The following ZBTB12 variants were observed in gnomAD, a reference collection of about 807,000 sequenced individuals.
ZBTB12 encodes the protein zinc finger and BTB domain containing 12.
In ZBTB12, 1 loss-of-function variant was observed where a neutral mutation model predicts 6.4. The observed-to-expected ratio is 0.16, with a 90% CI of 0.06 to 0.74. ZBTB12 has a LOEUF of 0.74. Among genes scored for constraint, ZBTB12 ranks in the 30% least tolerant of loss-of-function variants. The pLI is 0.78. For synonymous variants in ZBTB12, 273 were observed against 262.5 expected, an observed-to-expected ratio of 1.04 and a Z score of -0.39; for missense variants, 344 against 613.9, an observed-to-expected ratio of 0.56 and a Z score of 4.65.
Position 31,902,074 on chromosome 6 carries a change from G to A in ZBTB12, c.-258C>T, listed in dbSNP as rs374589428. 200 of 152,070 alleles carry A rather than the reference G, an allele frequency of 1.3e-3. 3 individuals are homozygous for A. The South Asian group carries it at 0.037, about 28-fold the overall frequency. 9.4% of individuals were successfully genotyped at this position (152,070 alleles called of 1,614,324 possible). A position where few individuals can be genotyped will look rare whatever the true frequency, so the allele number is the denominator to read the frequency against. On this transcript the variant is annotated 5_prime_UTR_variant, in exon 1 of 2. Transcript: ENST00000375527. ...GCGGCGGCGGCGTCGGCTAGGACTC[G>A]GGGAGGAGGAAGAGGGGAGGGAATT...
intron 1 of ZBTB12, among the ~76,000 whole-genome samples, chr6:31,901,614 G>A (rs1278188300): frequency 1.3e-5 from 2 of 151,826 alleles, no homozygotes; most frequent in Non-Finnish European, 2.9e-5. Flanking sequence ...GGGGGCCAGA[G>A]GCCTGGGGCT....
chr6:31,900,934 G>A lies in ZBTB12; in HGVS notation c.372C>T (p.Ser124=). 1 of 1,614,206 alleles carries A rather than the reference G, an allele frequency of 6.2e-7. No individual in the cohort carries two copies. Among genetic ancestry groups the A allele is most frequent in the Non-Finnish European group, 8.5e-7 (1 of 1,180,026 alleles). ...HVVEKCRNAL[S]QFIEPKIGLK... ...GGCCTATTTTGGGCTCAATGAACTG[G>A]CTGAGGGCATTCCGGCATTTCTCCA... is the stretch of plus-strand genomic sequence containing the variant. The change falls in exon 2 of 2, where the codon AGC becomes AGT. Residue 124 remains serine (S), a synonymous_variant. Transcript: ENST00000375527. This position sits in a 1 kb window ranked among gnomAD's most constrained non-coding sequence, Gnocchi z 9.7.
Position 31,899,808 on chromosome 6 carries a change from A to T in ZBTB12, c.*118T>A, listed in dbSNP as rs1235336130. 2 of 1,067,400 alleles carry T rather than the reference A, an allele frequency of 1.9e-6. No individual in the cohort carries two copies. Among genetic ancestry groups the T allele is most frequent in the Non-Finnish European group, 2.7e-6 (2 of 747,452 alleles). 66.1% of individuals were successfully genotyped at this position (1,067,400 alleles called of 1,614,324 possible). The stretch of plus-strand genomic sequence containing the variant: ...TCTCTCAGGATGTGTGCATCTGCTC[A>T]GCCTCCCACTCTTACCTTTCTGCCC... On this transcript the variant is annotated 3_prime_UTR_variant, in exon 2 of 2. Transcript: ENST00000375527.
At position 31,901,198 on chromosome 6, in the gene ZBTB12, G is replaced by T. The variant is rs1162716329; in HGVS notation, c.108C>A (p.Thr36=). The change falls in exon 2 of 2, where the codon ACC becomes ACA. Residue 36 remains threonine (T), a synonymous_variant. Transcript: ENST00000375527. ...GAAACTTGAGGCTGTCGGCCACAAT[G>T]GTCACGTCGCAGAACCGCTCCTCTG... is the stretch of plus-strand genomic sequence containing the variant. ...LRAEERFCDV[T]IVADSLKFRG... 2.5e-6 allele frequency: 4 copies of T among 1,613,352 alleles called. No homozygotes were observed. Among genetic ancestry groups the T allele is most frequent in the African/African-American group, 1.3e-5 (1 of 74,944 alleles).
Position 31,900,692 on chromosome 6 carries a change from A to ACGTCCT in ZBTB12, c.608_613dup (p.Glu203_Asp204dup). 6.2e-7 allele frequency: 1 copy of ACGTCCT among 1,610,746 alleles called. No homozygotes were observed. Among genetic ancestry groups the ACGTCCT allele is most frequent in the South Asian group, 1.1e-5 (1 of 90,750 alleles). ...CACCTTGACGATGCAGATGTCAGACACGTCCTCATCCTCATCCTCATCCTC... is the reference window on the plus strand; with the variant it reads ...CACCTTGACGATGCAGATGTCAGACACGTCCTCGTCCTCATCCTCATCCTCATCCTC... On this transcript the variant is annotated inframe_insertion, in exon 2 of 2. Coordinates refer to ENST00000375527, the MANE Select transcript of ZBTB12 (RefSeq NM_181842.3). This position sits in a 1 kb window ranked among gnomAD's most constrained non-coding sequence, Gnocchi z 9.7.
chr6:31,901,005 C>G lies in ZBTB12; in HGVS notation c.301G>C (p.Val101Leu). The G allele has an allele frequency of 6.2e-7, 1 of 1,614,196 alleles. No individual in the cohort carries two copies. The highest frequency in any genetic ancestry group is 8.5e-7 in the Non-Finnish European group (1 of 1,180,038). ...TAGGAGGCGGCTGTAAGGTAGTTGA[C>G]GATGTCCCTAACAGCGAATTCCAAG... ...GALEFAVRDI[V>L]NYLTAASYLQ... The change falls in exon 2 of 2, where the codon GTC becomes CTC. Residue 101 changes from valine (V) to leucine (L), a missense_variant. Val to Leu is a conservative substitution (Grantham distance 32). Transcript: ENST00000375527.
Position 31,900,454 on chromosome 6 carries a change from G to C in ZBTB12, c.852C>G (p.Gly284=). The change falls in exon 2 of 2, where the codon GGC becomes GGG. Residue 284 remains glycine (G), a synonymous_variant. Coordinates refer to ENST00000375527, the MANE Select transcript of ZBTB12 (RefSeq NM_181842.3). This position sits in a 1 kb window ranked among gnomAD's most constrained non-coding sequence, Gnocchi z 9.7. The part of the protein sequence containing the change: ...EGEGLLLIPG[G]RASVGATSGL... ...CCGAGGTGGCCCCCACGCTGGCCCG[G>C]CCTCCGGGAATCAACAGCAGGCCCT... 6.3e-7 allele frequency: 1 copy of C among 1,579,448 alleles called. No individual in the cohort carries two copies. The highest frequency in any genetic ancestry group is 8.6e-7 in the Non-Finnish European group (1 of 1,164,394).
chr6:31,901,421 C>T, intron 1 of ZBTB12, 96 bp from the exon 2 acceptor site: 2 of 1,134,720 alleles, frequency 1.8e-6, no homozygotes, highest in East Asian at 2.6e-5. Flanking sequence ...AGCCCCCCGG[C>T]ATCCGATCTC....
Position 31,900,454 on chromosome 6 carries a change from G to A in ZBTB12, c.852C>T (p.Gly284=). The change falls in exon 2 of 2, where the codon GGC becomes GGT. Residue 284 remains glycine (G), a synonymous_variant. Transcript: ENST00000375527. This position sits in a 1 kb window ranked among gnomAD's most constrained non-coding sequence, Gnocchi z 9.7. ...CCGAGGTGGCCCCCACGCTGGCCCG[G>A]CCTCCGGGAATCAACAGCAGGCCCT... ...EGEGLLLIPG[G]RASVGATSGL... is the part of the protein sequence containing the mutation. The A allele has an allele frequency of 6.3e-7, 1 of 1,579,448 alleles. No homozygotes were observed. The highest frequency in any genetic ancestry group is 8.6e-7 in the Non-Finnish European group (1 of 1,164,394).
Position 31,901,315 on chromosome 6 carries a change from G to T in ZBTB12, c.-10C>A. On this transcript the variant is annotated 5_prime_UTR_variant, in exon 2 of 2. Transcript: ENST00000375527. ...CCACCCCAGAGGCCATTGTGGCGGG[G>T]GTGGGCAACCCTGGTTGGGAAGGAA... 1 of 1,601,344 alleles carries T rather than the reference G, an allele frequency of 6.2e-7. No homozygotes were observed. The highest frequency in any genetic ancestry group is 1.3e-5 in the African/African-American group (1 of 74,784).
chr6:31,901,986 G>C lies in ZBTB12; in HGVS notation c.-170C>G, dbSNP rs1435528540. ...CGCGCGCGCGCGGGGCCGGCTCCGC[G>C]TGGGCGTAAGGGGGGAGGGGCGGGG... On this transcript the variant is annotated 5_prime_UTR_variant, in exon 1 of 2. Transcript: ENST00000375527. 6.7e-6 allele frequency: 1 copy of C among 148,828 alleles called. No individual in the cohort carries two copies. Among genetic ancestry groups the C allele is most frequent in the Non-Finnish European group, 1.5e-5 (1 of 66,758 alleles). The allele number at this position is 148,828 out of a possible 1,614,324, so 9.2% of individuals were successfully genotyped here.
chr6:31,900,367 C>G lies in ZBTB12; in HGVS notation c.939G>C (p.Ala313=), dbSNP rs755111104. ...CAGGCAGGGGTCCCCGGCTGCCCCC[C>G]GCCCCCAGGCTGCCCCCCGCCCCCC... ...AARGAGGSLG[A]GGSRGPLPGG... is the part of the protein sequence containing the mutation. Residue 313 remains alanine, a synonymous_variant, in exon 2 of 2, where the codon GCG becomes GCC. Coordinates refer to ENST00000375527, the MANE Select transcript of ZBTB12 (RefSeq NM_181842.3). This position sits in a 1 kb window ranked among gnomAD's most constrained non-coding sequence, Gnocchi z 9.7. The G allele has an allele frequency of 1.3e-6, 2 of 1,564,096 alleles. No homozygotes were observed. The highest frequency in any genetic ancestry group is 1.7e-6 in the Non-Finnish European group (2 of 1,155,540).
intron 1 of ZBTB12, 47 bp downstream of exon 1, chr6:31,901,790 T>G: frequency 6.5e-6 from 1 of 154,392 alleles, no homozygotes; most frequent in Non-Finnish European, 1.4e-5. Context: ...CAGAGCTCCG[T>G]GGCACGCCCC....
rs1415052176 is a variant in ZBTB12, at chr6:31,900,718, T to A, written c.588A>T (p.Glu196Asp). ...CGTCCTCATCCTCATCCTCATCCTC[T>A]TCCTCGGCTTTCAGCTCCAAGTCTT... is the stretch of plus-strand genomic sequence containing the variant. The part of the protein sequence containing the change: ...LDEDLELKAE[E>D]EDEDEDEDVS... Residue 196 changes from glutamate to aspartate, a missense_variant, in exon 2 of 2, where the codon GAA (glutamate) becomes GAT (aspartate). Transcript: ENST00000375527. This position sits in a 1 kb window ranked among gnomAD's most constrained non-coding sequence, Gnocchi z 9.7. 3.1e-6 allele frequency: 5 copies of A among 1,600,392 alleles called. No homozygotes were observed. Among genetic ancestry groups the A allele is most frequent in the East Asian group, 2.2e-5 (1 of 44,698 alleles).
chr6:31,899,630 G>C lies in ZBTB12; in HGVS notation c.*296C>G, dbSNP rs1767038332. 1 of 352,380 alleles carries C rather than the reference G, an allele frequency of 2.8e-6. No homozygotes were observed. The highest frequency in any genetic ancestry group is 2.2e-5 in the African/African-American group (1 of 45,936). 21.8% of individuals were successfully genotyped at this position (352,380 alleles called of 1,614,324 possible). A position where few individuals can be genotyped will look rare whatever the true frequency, so the allele number is the denominator to read the frequency against. ...CATTTTTGTCTTCCCTCATTCTATA[G>C]GACCCTTTTCCCTCCCTCCACATAT... On this transcript the variant is annotated 3_prime_UTR_variant, in exon 2 of 2. Coordinates refer to ENST00000375527, the MANE Select transcript of ZBTB12 (RefSeq NM_181842.3).
In ZBTB12 at chr6:31,900,377, C is replaced by T. The variant is rs1398108524; in HGVS notation, c.929G>A (p.Ser310Asn). Residue 310 changes from serine to asparagine, a missense_variant, in exon 2 of 2, where the codon AGC (serine) becomes AAC (asparagine). Around this residue, in one of 5 missense-constraint regions of ZBTB12, gnomAD observed 241 missense variants for 315.4 expected, o/e 0.76. Transcript: ENST00000375527. The surrounding 1 kb of genome is among the most constrained non-coding windows in gnomAD (Gnocchi z 9.7). ...TCCCCGGCTGCCCCCCGCCCCCAGG[C>T]TGCCCCCCGCCCCCCGGGCAGCCAT... ...VAMAARGAGG[S>N]LGAGGSRGPL... 5 of 1,543,540 alleles carry T rather than the reference C, an allele frequency of 3.2e-6. No homozygotes were observed. The highest frequency in any genetic ancestry group is 3.5e-6 in the Non-Finnish European group (4 of 1,143,764).
chr6:31,900,824 T>G lies in ZBTB12; in HGVS notation c.482A>C (p.Lys161Thr). The change falls in exon 2 of 2, where the codon AAG becomes ACG. Residue 161 changes from lysine (K) to threonine (T), a missense_variant. Lys to Thr is a moderately conservative substitution (Grantham distance 78, BLOSUM62 -1). Around this residue, in one of 5 missense-constraint regions of ZBTB12, gnomAD observed 241 missense variants for 315.4 expected, o/e 0.76. Transcript: ENST00000375527. The surrounding 1 kb of genome is among the most constrained non-coding windows in gnomAD (Gnocchi z 9.7). ...TGGGGGTGGGGGCTTCGGGGCTGGCTTTGGGGTCCTGGCTGGAGGGAGGAG... is the reference window on the plus strand; with the variant it reads ...TGGGGGTGGGGGCTTCGGGGCTGGCGTTGGGGTCCTGGCTGGAGGGAGGAG... Reference protein sequence around the residue: ...KSLLPPARTPKPAPKPPPPPP... With the variant: ...KSLLPPARTPTPAPKPPPPPP... The G allele has an allele frequency of 1.2e-6, 2 of 1,608,148 alleles. No individual in the cohort carries two copies. Among genetic ancestry groups the G allele is most frequent in the Non-Finnish European group, 1.7e-6 (2 of 1,176,448 alleles).
Position 31,900,379 on chromosome 6 carries a change from GC to G in ZBTB12, c.926del (p.Gly309AlafsTer22). On this transcript the variant is annotated frameshift_variant, in exon 2 of 2. Transcript: ENST00000375527. LOFTEE classifies it low-confidence loss of function (END_TRUNC). The surrounding 1 kb of genome is among the most constrained non-coding windows in gnomAD (Gnocchi z 9.7). ...AVAMAARGAG[G>X]SLGAGGSRGP... is the part of the protein sequence containing the mutation. ...CCCGGCTGCCCCCCGCCCCCAGGCTGCCCCCCGCCCCCCGGGCAGCCATGGC... is the reference window on the plus strand; with the variant it reads ...CCCGGCTGCCCCCCGCCCCCAGGCTGCCCCCGCCCCCCGGGCAGCCATGGC... The G allele has an allele frequency of 1.3e-6, 2 of 1,541,770 alleles. No individual in the cohort carries two copies. Among genetic ancestry groups the G allele is most frequent in the Non-Finnish European group, 1.7e-6 (2 of 1,143,080 alleles).
intron 1 of ZBTB12, among the ~76,000 whole-genome samples, chr6:31,901,636 G>A (rs1767285377): frequency 6.6e-6 from 1 of 151,888 alleles, no homozygotes; most frequent in South Asian, 2.1e-4. Context: ...TGGACTCCAA[G>A]GTGGCCCCGG....
Sources: gnomAD v4.1 joint callset for allele counts (sites outside exome capture counted in the v4.1 genomes callset) on GRCh38, gnomAD v4.1.1 for gene constraint, gnomAD v4.1.1 regional missense constraint, Gnocchi (gnomAD v3.1) non-coding constraint, MANE v1.5 for transcripts, NCBI Gene and HGNC (gene_info 2026-07-23, HGNC 2026-07-21) for gene names.